The following AACS variants were observed in gnomAD, a reference collection of about 807,000 sequenced individuals.
AACS encodes the protein acetoacetyl-CoA synthetase.
AACS carries 69 observed loss-of-function variants against 83.1 expected under a neutral mutation model. The ratio of observed to expected loss-of-function variants is 0.83; its 90% CI spans 0.68 to 1.01. AACS has a LOEUF of 1.01. Ranked by LOEUF, AACS falls within the 50% of genes least tolerant of loss-of-function variation. The pLI is 0.00. For synonymous variants in AACS, 333 were observed against 343.4 expected (o/e 0.97, Z 0.33); for missense variants, 866 against 882.2 (o/e 0.98, Z 0.23).
chr12:125,081,104 C>T (rs1489368066), intron 3 of AACS, among the ~76,000 whole-genome samples: 1 of 152,118 alleles, frequency 6.6e-6, no homozygotes, highest in African/African-American at 2.4e-5. Context: ...GCCATCCTTC[C>T]ACCTCAGCCT....
At chr12:125,122,823 G>A in intron 10 of AACS, 1 of 152,262 alleles carries the variant, frequency 6.6e-6, no homozygotes, top group East Asian at 1.9e-4. Flanking sequence ...GGCAGTCTCG[G>A]GCACCGGGTC....
At chr12:125,072,991 G>T (rs558725803) in intron 1 of AACS, among the ~76,000 whole-genome samples, 12 of 135,188 alleles carry the variant, frequency 8.9e-5, no homozygotes, top group African/African-American at 3.4e-4. Flanking sequence ...GCAGTGGCGC[G>T]ATCTCGGCTC....
rs373491989 is a variant in AACS at position 125,118,735 on chromosome 12, A to G, written c.1091A>G (p.Asn364Ser). The change falls in exon 10 of 18, where the codon AAT becomes AGT. Residue 364 changes from asparagine to serine, a missense_variant. Transcript: ENST00000316519. ...GGCTCCCCCCTGGTGCCCACGCCCA[A>G]TGTGCTCTGGGACCTGGTTGACAGG... is the stretch of plus-strand genomic sequence containing the variant. ...YDGSPLVPTP[N>S]VLWDLVDRIG... 82 of 1,614,002 alleles carry G rather than the reference A, an allele frequency of 5.1e-5. No homozygotes were observed. The highest frequency in any genetic ancestry group is 1.2e-4 in the African/African-American group (9 of 74,942).
At chr12:125,119,780 A>C (rs1303324547) in intron 10 of AACS, 1 of 152,140 alleles carries the variant, frequency 6.6e-6, no homozygotes, top group Non-Finnish European at 1.5e-5. Context: ...AGTGAGGTGA[A>C]GGCTGAACGC....
At position 125,107,252 on chromosome 12, in the gene AACS, TG is replaced by T; in HGVS notation, c.901del (p.Val301CysfsTer12). 6.2e-7 allele frequency: 1 copy of T among 1,613,902 alleles called. No homozygotes were observed. ...GGCACCACGGGCGCACCCAAGTGCA[TG>T]GTGCATTCCGCTGGGGTAGGTCTCT... Reference protein sequence around the residue: ...SSGTTGAPKCMVHSAGGTLIQ... With the variant: ...SSGTTGAPKCXVHSAGGTLIQ... On this transcript the variant is annotated frameshift_variant, in exon 8 of 18. Coordinates refer to ENST00000316519, the MANE Select transcript of AACS (RefSeq NM_023928.5). LOFTEE classifies it high-confidence loss of function.
chr12:125,080,926 C>T (rs916624769), intron 3 of AACS, among the ~76,000 whole-genome samples: 1 of 151,964 alleles, frequency 6.6e-6, no homozygotes, highest in South Asian at 2.1e-4. Flanking sequence ...CTCCTGACCT[C>T]GTGATCCACC....
intron 16 of AACS, chr12:125,135,753 A>T (rs1957392478): frequency 6.6e-6 from 1 of 152,226 alleles, no homozygotes; most frequent in South Asian, 2.1e-4. Flanking sequence ...TTTTTTAAAA[A>T]AATTTTTTTT....
intron 12 of AACS, chr12:125,127,791 G>A (rs1957269711): frequency 6.2e-6 from 1 of 160,558 alleles, no homozygotes; most frequent in Non-Finnish European, 1.4e-5. Context: ...CATGGCACTC[G>A]AGCCTTCCCA....
intron 8 of AACS, among the ~76,000 whole-genome samples, chr12:125,112,174 C>T (rs1190045661): frequency 6.6e-6 from 1 of 152,112 alleles, no homozygotes; most frequent in Admixed American, 6.5e-5. Context: ...CAAATTATTG[C>T]CTACCCACTG....
intron 10 of AACS, chr12:125,122,659 A>G (rs1957171973): frequency 6.6e-6 from 1 of 151,316 alleles, no homozygotes; most frequent in African/African-American, 2.4e-5. Context: ...AAAAAAAAAA[A>G]AGGCAGTGTA....
At chr12:125,104,566 G>A (rs1272091303) in intron 7 of AACS, among the ~76,000 whole-genome samples, 1 of 152,196 alleles carries the variant, frequency 6.6e-6, no homozygotes, top group Non-Finnish European at 1.5e-5. Context: ...TAGGATCTGG[G>A]GAGGTGGCAT....
At chr12:125,076,637 A>G (rs1189690941) in intron 3 of AACS, 26 bp downstream of exon 3, 15 of 1,613,174 alleles carry the variant, frequency 9.3e-6, no homozygotes, top group Admixed American at 1.7e-5. Context: ...GAGACCTGGG[A>G]TTTCCTCCGT....
At position 125,129,158 on chromosome 12, in the gene AACS, T is replaced by G; in HGVS notation, c.1424-177T>G. The G allele has an allele frequency of 1.2e-6, 1 of 812,510 alleles. No homozygotes were observed. The highest frequency in any genetic ancestry group is 1.8e-6 in the Non-Finnish European group (1 of 567,452). 50.3% of individuals were successfully genotyped at this position (812,510 alleles called of 1,614,324 possible). Reference sequence around the variant, plus strand: ...GGGAGCACACAGGGAGGGGACTTCATCTGGGAGGAACGCATTATTAGGCTG... The same window carrying G: ...GGGAGCACACAGGGAGGGGACTTCAGCTGGGAGGAACGCATTATTAGGCTG... On this transcript the variant is annotated intron_variant, in intron 13 of 17. Transcript: ENST00000316519. This position sits in a 1 kb window ranked among gnomAD's most constrained non-coding sequence, Gnocchi z 4.3.
At chr12:125,079,572 AGAAAT>A (rs561162195) in intron 3 of AACS, among the ~76,000 whole-genome samples, 14 of 151,832 alleles carry the variant, frequency 9.2e-5, no homozygotes, top group Admixed American at 3.9e-4. Context: ...GTTTTTTTGT[AGAAAT>A]GAAGTTTTGC....
At chr12:125,105,794 G>A (rs1956821541) in intron 7 of AACS, 1 of 152,164 alleles carries the variant, frequency 6.6e-6, no homozygotes, top group Non-Finnish European at 1.5e-5. Context: ...CTTTAACAAA[G>A]GTAATCATTA....
chr12:125,136,607 G>A (rs1484009571), intron 16 of AACS, 55 bp from the exon 17 acceptor site: 32 of 1,530,034 alleles, frequency 2.1e-5, no homozygotes, highest in South Asian at 5.8e-5. Flanking sequence ...TGTGAGGCCC[G>A]ACCCCACACT....
At chr12:125,110,687 A>G (rs1405563330) in intron 8 of AACS, among the ~76,000 whole-genome samples, 1 of 152,218 alleles carries the variant, frequency 6.6e-6, no homozygotes, top group African/African-American at 2.4e-5. Flanking sequence ...CCAAACTCAG[A>G]AGAAGAGAAT....
At chr12:125,134,931 C>G (rs1957381362) in intron 16 of AACS, 79 bp downstream of exon 16, 2 of 1,531,230 alleles carry the variant, frequency 1.3e-6, no homozygotes, top group South Asian at 1.1e-5. Context: ...GGAGCCCCAC[C>G]TTTGGCACAA....
chr12:125,107,539 G>C (rs977559842), intron 8 of AACS, among the ~76,000 whole-genome samples: 8 of 152,218 alleles, frequency 5.3e-5, no homozygotes, highest in Non-Finnish European at 1.0e-4. Context: ...CCTTGGGGGT[G>C]GGGGGTGCGC....
Sources: allele counts gnomAD v4.1 joint callset (sites outside exome capture counted in the v4.1 genomes callset), GRCh38; gene constraint gnomAD v4.1.1; non-coding constraint Gnocchi (gnomAD v3.1); transcripts MANE v1.5; gene names NCBI Gene and HGNC (gene_info 2026-07-23, HGNC 2026-07-21).